Variants in IKBKB observed in about 807,000 individuals in gnomAD.
IKBKB encodes inhibitor of nuclear factor kappa-B kinase subunit beta.
IKBKB carries 42 observed loss-of-function variants against 113.6 expected under a neutral mutation model. The observed-to-expected ratio is 0.37, with a 90% CI of 0.29 to 0.48. IKBKB has a LOEUF of 0.48. IKBKB is among the 20% of genes least tolerant of loss of function. The pLI is 0.99. For synonymous variants in IKBKB, 296 were observed against 361.3 expected (o/e 0.82, Z 2.05); for missense variants, 673 against 939.7 (o/e 0.72, Z 3.71).
At chr8:42,282,528 T>C (rs1810584448) in intron 2 of IKBKB, among the ~76,000 whole-genome samples, 1 of 152,170 alleles carries the variant, frequency 6.6e-6, no homozygotes, top group African/African-American at 2.4e-5. Context: ...TTAAGTTTTG[T>C]CCTTCACGAG....
At chr8:42,311,965 CA>C (rs1350759034) in intron 8 of IKBKB, among the ~76,000 whole-genome samples, 1 of 152,192 alleles carries the variant, frequency 6.6e-6, no homozygotes, top group East Asian at 1.9e-4. Context: ...CGGCTCACTG[CA>C]AGCTCCGCCT....
chr8:42,319,680 A>C (rs547064414), intron 15 of IKBKB, 34 bp downstream of exon 15: 1 of 1,535,628 alleles, frequency 6.5e-7, no homozygotes, highest in African/African-American at 1.4e-5. Flanking sequence ...GGAACTTACC[A>C]AGGGGGTGAG....
chr8:42,312,938 T>G lies in IKBKB; in HGVS notation c.693-1384T>G, dbSNP rs533518469. On this transcript the variant is annotated intron_variant, in intron 8 of 21. Coordinates refer to ENST00000520810, the MANE Select transcript of IKBKB (RefSeq NM_001556.3). ...TAGAAAGAACACCAGACATTGGGTTTGAGCCCCTGATTCTGCTACTCTGTT... is the reference window on the plus strand; with the variant it reads ...TAGAAAGAACACCAGACATTGGGTTGGAGCCCCTGATTCTGCTACTCTGTT... 3.9e-5 allele frequency among the ~76,000 whole-genome samples: 6 copies of G among 152,352 alleles called. No homozygotes were observed. In the South Asian group the frequency reaches 1.2e-3, roughly 32 times the overall value.
intron 8 of IKBKB, among the ~76,000 whole-genome samples, chr8:42,312,334 T>C (rs531435992): frequency 6.6e-6 from 1 of 152,364 alleles, no homozygotes; most frequent in Admixed American, 6.5e-5. Context: ...AGCGTCTTCA[T>C]AGGAAATCTG....
chr8:42,331,427 G>T lies in IKBKB; in HGVS notation c.*448G>T, dbSNP rs1353320720. On this transcript the variant is annotated 3_prime_UTR_variant, in exon 22 of 22. Transcript: ENST00000520810. ...TCAGGGCAGAGTCCGAGCAGCGCTT[G>T]GTGACAGCCTGTCCTCTCCTGCTCT... 1 of 702,576 alleles carries T rather than the reference G, an allele frequency of 1.4e-6. No homozygotes were observed. The highest frequency in any genetic ancestry group is 2.6e-6 in the Non-Finnish European group (1 of 384,990). The allele number at this position is 702,576 out of a possible 1,614,324, so 43.5% of individuals were successfully genotyped here.
chr8:42,302,423 A>G (rs1029984189), intron 5 of IKBKB, among the ~76,000 whole-genome samples: 4 of 152,194 alleles, frequency 2.6e-5, no homozygotes, highest in Non-Finnish European at 1.5e-5. Flanking sequence ...ACAGTATGAT[A>G]TGTTGGAACC....
chr8:42,290,691 C>T (rs947969169), intron 4 of IKBKB, among the ~76,000 whole-genome samples: 12 of 152,160 alleles, frequency 7.9e-5, no homozygotes, highest in African/African-American at 2.7e-4. Context: ...TGGGACAGCA[C>T]CACACACGGG....
At chr8:42,323,974 T>C (rs1311775783) in intron 19 of IKBKB, among the ~76,000 whole-genome samples, 2 of 152,064 alleles carry the variant, frequency 1.3e-5, no homozygotes, top group African/African-American at 4.8e-5. Flanking sequence ...GTGAGAGCCG[T>C]TCAGGGCAGG....
chr8:42,307,290 G>C (rs1208125376), intron 7 of IKBKB, among the ~76,000 whole-genome samples: 3 of 152,186 alleles, frequency 2.0e-5, no homozygotes, highest in Non-Finnish European at 4.4e-5. Flanking sequence ...AAGGGAAAGA[G>C]AGTCTTGAGT....
rs529652753 is a variant in IKBKB at position 42,272,714 on chromosome 8, C to T, written c.105+509C>T. ...CAGCACTTTGGGAGGCTGAGGCAGG[C>T]GGATCACGCAGTCAGGAGATGGAGA... On this transcript the variant is annotated intron_variant, in intron 2 of 21. Coordinates refer to ENST00000520810, the MANE Select transcript of IKBKB (RefSeq NM_001556.3). 1.3e-4 allele frequency among the ~76,000 whole-genome samples: 19 copies of T among 151,174 alleles called. 1 individual carries two copies. The South Asian group carries it at 2.3e-3, about 18-fold the overall frequency.
intron 2 of IKBKB, among the ~76,000 whole-genome samples, chr8:42,274,871 TTTTG>T (rs1184601546): frequency 1.4e-5 from 2 of 144,106 alleles, no homozygotes; most frequent in Non-Finnish European, 1.5e-5. Flanking sequence ...ATCAGTTTTT[TTTTG>T]TTTGTTTGTT....
At chr8:42,319,142 A>G in intron 13 of IKBKB, 128 bp from the exon 14 acceptor site, 1 of 838,764 alleles carries the variant, frequency 1.2e-6, no homozygotes, top group Non-Finnish European at 1.9e-6. Context: ...GGCTGCTATA[A>G]TAATAGTGAT....
At chr8:42,321,263 T>G (rs1819727464) in intron 16 of IKBKB, 1 of 162,840 alleles carries the variant, frequency 6.1e-6, no homozygotes, top group Non-Finnish European at 1.3e-5. Flanking sequence ...TTTGAGTCTT[T>G]GTCAGGTATT....
At chr8:42,292,969 G>A (rs942173536) in intron 4 of IKBKB, among the ~76,000 whole-genome samples, 3 of 152,170 alleles carry the variant, frequency 2.0e-5, no homozygotes, top group Non-Finnish European at 4.4e-5. Flanking sequence ...GAGCTCTTCC[G>A]GCCCCTGGCA....
At chr8:42,280,851 G>C (rs375869673) in intron 2 of IKBKB, among the ~76,000 whole-genome samples, 2 of 152,156 alleles carry the variant, frequency 1.3e-5, no homozygotes, top group African/African-American at 4.8e-5. Context: ...CCCTTTATGG[G>C]ACAAGGCAAA....
At position 42,279,683 on chromosome 8, in the gene IKBKB, G is replaced by T. The variant is rs546321283; in HGVS notation, c.105+7478G>T. 1.2e-4 allele frequency among the ~76,000 whole-genome samples: 18 copies of T among 152,234 alleles called. 1 individual carries two copies. The highest frequency in any genetic ancestry group is 4.3e-4 in the African/African-American group (18 of 41,532). On this transcript the variant is annotated intron_variant, in intron 2 of 21. Transcript: ENST00000520810. ...GCTCGCAAGCAAAGAGGCTAGGATT[G>T]GAACCTGCGTCTGTTCGGAACCCAA...
At chr8:42,272,058 T>C (rs1807886750) in intron 1 of IKBKB, 25 bp from the exon 2 acceptor site, 3 of 1,595,876 alleles carry the variant, frequency 1.9e-6, no homozygotes, top group African/African-American at 1.3e-5. Context: ...CCTAACCTTT[T>C]TTCCCCATCC....
In IKBKB at chr8:42,327,806, A is replaced by AT. The variant is rs1285987849; in HGVS notation, c.2115-1303dup. ...AGCCACCAGGCCTGGCTAATTTTGTATTTTTTTTTTTTTTTGAGACGGAGT... is the reference window on the plus strand; with the variant it reads ...AGCCACCAGGCCTGGCTAATTTTGTATTTTTTTTTTTTTTTTGAGACGGAGT... On this transcript the variant is annotated intron_variant, in intron 20 of 21. Transcript: ENST00000520810. Among the ~76,000 whole-genome samples, 65 of 14,676 alleles carry AT rather than the reference A, an allele frequency of 4.4e-3. 29 individuals are homozygous for AT. Among genetic ancestry groups the AT allele is most frequent in the Non-Finnish European group, 0.013 (59 of 4,426 alleles). 9.6% of individuals were successfully genotyped at this position (14,676 alleles called of 152,430 possible). A position where few individuals can be genotyped will look rare whatever the true frequency, so the allele number is the denominator to read the frequency against.
chr8:42,295,553 C>T (rs1813600740), intron 5 of IKBKB, among the ~76,000 whole-genome samples: 2 of 152,120 alleles, frequency 1.3e-5, no homozygotes, highest in Admixed American at 6.5e-5. Context: ...GCTGAAACCC[C>T]ATCTCTACCA....
Sources: gnomAD v4.1 joint callset for allele counts (sites outside exome capture counted in the v4.1 genomes callset) on GRCh38, gnomAD v4.1.1 for gene constraint, MANE v1.5 for transcripts, NCBI Gene and HGNC (gene_info 2026-07-23, HGNC 2026-07-21) for gene names.